Variants in CTNND2 observed in about 807,000 individuals in gnomAD.
CTNND2 encodes catenin delta 2.
In CTNND2, 22 loss-of-function variants were observed where a neutral mutation model predicts 144.4. The observed-to-expected ratio is 0.15, with a 90% CI of 0.11 to 0.22. CTNND2 has a LOEUF of 0.22. Among genes scored for constraint, CTNND2 ranks in the 10% least tolerant of loss-of-function variants. CTNND2 has a pLI of 1.00. For synonymous variants in CTNND2, 751 were observed against 695.6 expected (o/e 1.08, Z -1.25); for missense variants, 1,353 against 1,618.8 (o/e 0.84, Z 2.82).
intron 3 of CTNND2, among the ~76,000 whole-genome samples, chr5:11,504,872 G>A (rs1475259896): frequency 6.6e-6 from 1 of 152,128 alleles, no homozygotes; most frequent in Non-Finnish European, 1.5e-5. Context: ...CCTTGCTGAA[G>A]ATTCCTGCTA....
At chr5:11,254,962 C>T (rs1020190494) in intron 9 of CTNND2, among the ~76,000 whole-genome samples, 1 of 152,156 alleles carries the variant, frequency 6.6e-6, no homozygotes, top group Non-Finnish European at 1.5e-5. Context: ...CTGAATAGGA[C>T]CAAGGATTTG....
chr5:11,663,409 G>A (rs768506994), intron 2 of CTNND2, among the ~76,000 whole-genome samples: 2 of 152,080 alleles, frequency 1.3e-5, no homozygotes, highest in Non-Finnish European at 2.9e-5. Context: ...GGAAAATAGA[G>A]TTATATAACT....
intron 1 of CTNND2, among the ~76,000 whole-genome samples, chr5:11,781,836 T>C (rs1297221530): frequency 1.3e-5 from 2 of 152,224 alleles, no homozygotes; most frequent in African/African-American, 4.8e-5. Context: ...AATTTATAAA[T>C]ACTAACTACC....
intron 3 of CTNND2, among the ~76,000 whole-genome samples, chr5:11,458,037 G>A (rs1765884683): frequency 6.6e-6 from 1 of 152,174 alleles, no homozygotes; most frequent in Non-Finnish European, 1.5e-5. Flanking sequence ...TAACAGTATG[G>A]ATCTAAAGAT....
intron 1 of CTNND2, among the ~76,000 whole-genome samples, chr5:11,754,454 T>C (rs1788800424): frequency 5.4e-5 from 2 of 37,022 alleles, no homozygotes; most frequent in South Asian, 9.1e-3. Flanking sequence ...AGGTGGAGAG[T>C]TCTGTAGATG....
chr5:11,244,998 G>A (rs528797450), intron 9 of CTNND2, among the ~76,000 whole-genome samples: 3 of 152,202 alleles, frequency 2.0e-5, no homozygotes, highest in South Asian at 2.1e-4. Flanking sequence ...ATGACAAAAC[G>A]GAAATGAAAA....
At chr5:11,466,802 C>T (rs555881517) in intron 3 of CTNND2, among the ~76,000 whole-genome samples, 1 of 152,306 alleles carries the variant, frequency 6.6e-6, no homozygotes, top group South Asian at 2.1e-4. Context: ...TCTTCCCCTC[C>T]CCCACCAAAT....
At chr5:11,331,363 G>T (rs867133145) in intron 9 of CTNND2, among the ~76,000 whole-genome samples, 1 of 152,150 alleles carries the variant, frequency 6.6e-6, no homozygotes, top group Admixed American at 6.5e-5. Context: ...CCCTGTAGAA[G>T]TCAGGAAACA....
At chr5:11,764,440 G>T (rs1323562824) in intron 1 of CTNND2, among the ~76,000 whole-genome samples, 1 of 151,996 alleles carries the variant, frequency 6.6e-6, no homozygotes, top group Non-Finnish European at 1.5e-5. Flanking sequence ...GCTCCTCTTG[G>T]GATCAAAAAG....
intron 11 of CTNND2, among the ~76,000 whole-genome samples, chr5:11,181,060 G>A (rs1760948545): frequency 6.6e-6 from 1 of 152,142 alleles, no homozygotes; most frequent in Non-Finnish European, 1.5e-5. Flanking sequence ...GACTGGTGGG[G>A]CAGGAAAAGC....
At chr5:11,425,888 C>T (rs1762736314) in intron 3 of CTNND2, among the ~76,000 whole-genome samples, 1 of 152,206 alleles carries the variant, frequency 6.6e-6, no homozygotes, top group South Asian at 2.1e-4. Context: ...GAGTGCAGTT[C>T]TAGCAACAAC....
At chr5:11,499,774 C>T (rs908763758) in intron 3 of CTNND2, among the ~76,000 whole-genome samples, 1 of 152,088 alleles carries the variant, frequency 6.6e-6, no homozygotes, top group Non-Finnish European at 1.5e-5. Flanking sequence ...AAAATCTGTA[C>T]ATTTAATTTT....
intron 3 of CTNND2, among the ~76,000 whole-genome samples, chr5:11,502,807 A>G (rs1770669452): frequency 1.3e-5 from 2 of 152,196 alleles, no homozygotes; most frequent in African/African-American, 4.8e-5. Context: ...GTCAACACCA[A>G]AAGAATTTAT....
At chr5:11,839,553 TGGCTGG>T (rs1794346063) in intron 1 of CTNND2, among the ~76,000 whole-genome samples, 1 of 152,058 alleles carries the variant, frequency 6.6e-6, no homozygotes, top group Admixed American at 6.6e-5. Context: ...AAATCATGAG[TGGCTGG>T]GGCTGGAGAC....
chr5:11,036,643 C>T (rs1052868091), intron 16 of CTNND2, among the ~76,000 whole-genome samples: 5 of 152,222 alleles, frequency 3.3e-5, no homozygotes, highest in Admixed American at 2.6e-4. Flanking sequence ...CACACCTCGG[C>T]CTCCCAAAGT....
chr5:11,074,727 C>T lies in CTNND2; in HGVS notation c.2788+7969G>A, dbSNP rs375828542. On this transcript the variant is annotated intron_variant, in intron 16 of 21. Coordinates refer to ENST00000304623, the MANE Select transcript of CTNND2 (RefSeq NM_001332.4). Reference sequence around the variant, plus strand: ...CATTTCTCACTAAGTAAAGACCTGGCATGGAGGAAGGAGTATTGTAATTCT... The same window carrying T: ...CATTTCTCACTAAGTAAAGACCTGGTATGGAGGAAGGAGTATTGTAATTCT... Among the ~76,000 whole-genome samples, 8 of 152,186 alleles carry T rather than the reference C, an allele frequency of 5.3e-5. 1 individual carries two copies. Among genetic ancestry groups the T allele is most frequent in the East Asian group, 3.8e-4 (2 of 5,200 alleles).
intron 2 of CTNND2, among the ~76,000 whole-genome samples, chr5:11,693,450 TTTTTTG>T (rs1785000147): frequency 6.6e-6 from 1 of 152,202 alleles, no homozygotes; most frequent in East Asian, 1.9e-4. Context: ...TGAATCACAG[TTTTTTG>T]TTTTTGTTTT....
intron 8 of CTNND2, 37 bp downstream of exon 8, chr5:11,364,657 CCT>C: frequency 1.3e-6 from 2 of 1,552,212 alleles, no homozygotes; most frequent in East Asian, 4.6e-5. Flanking sequence ...GAGCCCACCC[CCT>C]GTGGACAGGC....
intron 6 of CTNND2, among the ~76,000 whole-genome samples, chr5:11,395,929 G>T (rs1269145146): frequency 6.6e-6 from 1 of 152,200 alleles, no homozygotes; most frequent in African/African-American, 2.4e-5. Flanking sequence ...CATGTGGCCT[G>T]CCAGGTGCTC....
Sources: gnomAD v4.1 joint callset for allele counts (sites outside exome capture counted in the v4.1 genomes callset) on GRCh38, gnomAD v4.1.1 for gene constraint, MANE v1.5 for transcripts, NCBI Gene and HGNC (gene_info 2026-07-23, HGNC 2026-07-21) for gene names.